Variants in CHCHD6 observed in about 807,000 individuals in gnomAD.
CHCHD6 encodes coiled-coil-helix-coiled-coil-helix domain containing 6.
Under a neutral mutation model 32.3 loss-of-function variants are expected in CHCHD6, and 28 were observed. The observed-to-expected ratio is 0.87, with a 90% CI of 0.64 to 1.19. CHCHD6 has a LOEUF of 1.19. Ranked by LOEUF, CHCHD6 falls within the 50% of genes most tolerant of loss-of-function variation. The pLI is 0.00. For missense variants in CHCHD6, 333 were observed against 307.0 expected, an observed-to-expected ratio of 1.08 and a Z score of -0.63; for synonymous variants, 122 against 117.5, an observed-to-expected ratio of 1.04 and a Z score of -0.25.
chr3:126,950,695 C>T (rs1292988317), intron 6 of CHCHD6, among the ~76,000 whole-genome samples: 1 of 152,100 alleles, frequency 6.6e-6, no homozygotes, highest in Non-Finnish European at 1.5e-5. Flanking sequence ...AAGTGATCGC[C>T]TGCATCGGCC....
intron 1 of CHCHD6, among the ~76,000 whole-genome samples, chr3:126,726,476 C>CA (rs1935540521): frequency 6.6e-6 from 1 of 152,054 alleles, no homozygotes; most frequent in African/African-American, 2.4e-5. Flanking sequence ...GACTGAGAGA[C>CA]ACAAAGTACA....
chr3:126,927,169 G>A (rs1474507160), intron 6 of CHCHD6, among the ~76,000 whole-genome samples: 1 of 152,162 alleles, frequency 6.6e-6, no homozygotes, highest in Non-Finnish European at 1.5e-5. Context: ...GGAGAGCTGG[G>A]CCCTGAGGGA....
chr3:126,778,625 G>A (rs1576404734), intron 4 of CHCHD6, among the ~76,000 whole-genome samples: 1 of 152,160 alleles, frequency 6.6e-6, no homozygotes, highest in Non-Finnish European at 1.5e-5. Context: ...TCTTTTTGCT[G>A]TTGAGCTGAA....
intron 1 of CHCHD6, among the ~76,000 whole-genome samples, chr3:126,723,465 G>T (rs563651710): frequency 3.3e-5 from 5 of 152,164 alleles, no homozygotes; most frequent in African/African-American, 1.2e-4. Context: ...TCACACTTGC[G>T]GATATGTGTA....
At chr3:126,841,906 C>T (rs930800331) in intron 4 of CHCHD6, among the ~76,000 whole-genome samples, 1 of 151,912 alleles carries the variant, frequency 6.6e-6, no homozygotes, top group African/African-American at 2.4e-5. Flanking sequence ...GGAGCAAGAC[C>T]TTGCCTCAAA....
At chr3:126,935,879 T>C in intron 6 of CHCHD6, among the ~76,000 whole-genome samples, 1 of 152,198 alleles carries the variant, frequency 6.6e-6, no homozygotes, top group East Asian at 1.9e-4. Flanking sequence ...AGCATGAACA[T>C]GCATTTTGAA....
At chr3:126,815,642 T>TG (rs1221895047) in intron 4 of CHCHD6, among the ~76,000 whole-genome samples, 1,581 of 87,152 alleles carry the variant, frequency 0.018, 41 homozygotes, top group African/African-American at 0.052. Flanking sequence ...TGTGGGTTCT[T>TG]GCCCCCCCCC....
At chr3:126,914,546 G>A in intron 5 of CHCHD6, 134 bp from the exon 6 acceptor site, 1 of 669,376 alleles carries the variant, frequency 1.5e-6, no homozygotes, top group Non-Finnish European at 2.7e-6. Flanking sequence ...AACCCAAGGT[G>A]TGGATTAATT....
At chr3:126,840,095 G>T (rs531147703) in intron 4 of CHCHD6, among the ~76,000 whole-genome samples, 2 of 152,144 alleles carry the variant, frequency 1.3e-5, no homozygotes, top group African/African-American at 2.4e-5. Context: ...TTCACTTAGC[G>T]TAACGTTTTC....
intron 4 of CHCHD6, among the ~76,000 whole-genome samples, chr3:126,821,211 A>G (rs1940133472): frequency 6.6e-6 from 1 of 152,060 alleles, no homozygotes; most frequent in Admixed American, 6.5e-5. Flanking sequence ...ACCACATTTT[A>G]TTTTTTCCAT....
At chr3:126,722,705 C>T (rs1426959480) in intron 1 of CHCHD6, among the ~76,000 whole-genome samples, 1 of 152,004 alleles carries the variant, frequency 6.6e-6, no homozygotes, top group Non-Finnish European at 1.5e-5. Flanking sequence ...GATAAAAGTT[C>T]CTTATCAGGT....
chr3:126,928,412 C>G (rs1348834139), intron 6 of CHCHD6, among the ~76,000 whole-genome samples: 1 of 152,172 alleles, frequency 6.6e-6, no homozygotes, highest in East Asian at 1.9e-4. Context: ...ACAGAGCCCT[C>G]TGTGTCTCTG....
At chr3:126,704,626 C>A (rs1934385147) in intron 1 of CHCHD6, among the ~76,000 whole-genome samples, 2 of 152,180 alleles carry the variant, frequency 1.3e-5, no homozygotes, top group South Asian at 4.1e-4. Context: ...AAGAACTGTA[C>A]AGGTGCGAGG....
At chr3:126,938,092 C>T (rs1174432688) in intron 6 of CHCHD6, among the ~76,000 whole-genome samples, 1 of 152,212 alleles carries the variant, frequency 6.6e-6, no homozygotes, top group East Asian at 1.9e-4. Flanking sequence ...CTCTTCTTAT[C>T]CAGGTCACCG....
chr3:126,842,075 C>T (rs1463034614), intron 4 of CHCHD6, among the ~76,000 whole-genome samples: 1 of 152,132 alleles, frequency 6.6e-6, no homozygotes, highest in Non-Finnish European at 1.5e-5. Context: ...AAAATGCGAT[C>T]CCGTCTCTAC....
rs189158770 is a variant in CHCHD6 at position 126,788,364 on chromosome 3, C to T, written c.411+55142C>T. 9.2e-5 allele frequency among the ~76,000 whole-genome samples: 14 copies of T among 152,332 alleles called. 1 individual carries two copies. The highest frequency in any genetic ancestry group is 3.4e-4 in the African/African-American group (14 of 41,570). ...TAAAATGAATTAGGGATGATTCCCT[C>T]TTTTTCTATTGATTGGAATAGTTTC... On this transcript the variant is annotated intron_variant, in intron 4 of 7. Coordinates refer to ENST00000290913, the MANE Select transcript of CHCHD6 (RefSeq NM_032343.3).
At chr3:126,853,986 C>T (rs1474784715) in intron 5 of CHCHD6, among the ~76,000 whole-genome samples, 1 of 152,182 alleles carries the variant, frequency 6.6e-6, no homozygotes, top group Admixed American at 6.5e-5. Context: ...TTGTGCTCCC[C>T]ATGTTTCCCT....
rs192174075 is a variant in CHCHD6 at position 126,791,442 on chromosome 3, A to C, written c.411+58220A>C. Reference sequence around the variant, plus strand: ...AGAGGTGGAGTCTACAGAGGCAGGCAGGCCTCCTTGAGCTGCAGTGGGCTC... The same window carrying C: ...AGAGGTGGAGTCTACAGAGGCAGGCCGGCCTCCTTGAGCTGCAGTGGGCTC... On this transcript the variant is annotated intron_variant, in intron 4 of 7. Transcript: ENST00000290913. 8.1e-3 allele frequency among the ~76,000 whole-genome samples: 1,239 copies of C among 152,354 alleles called. 10 individuals carry two copies. Among genetic ancestry groups the C allele is most frequent in the Middle Eastern group, 0.017 (5 of 294 alleles).
At chr3:126,727,688 AGG>A (rs1458107107) in intron 2 of CHCHD6, among the ~76,000 whole-genome samples, 1 of 152,096 alleles carries the variant, frequency 6.6e-6, no homozygotes, top group Non-Finnish European at 1.5e-5. Flanking sequence ...GGCTTCTAGG[AGG>A]GGTCCTAGGA....
Sources: allele counts gnomAD v4.1 joint callset (sites outside exome capture counted in the v4.1 genomes callset), GRCh38; gene constraint gnomAD v4.1.1; transcripts MANE v1.5; gene names NCBI Gene and HGNC (gene_info 2026-07-23, HGNC 2026-07-21).